Variants in LEKR1 observed in about 807,000 individuals in gnomAD.
LEKR1 encodes protein LEKR1.
In LEKR1, 59 loss-of-function variants were observed where a neutral mutation model predicts 72.4. The observed-to-expected ratio is 0.82, with a 90% CI of 0.66 to 1.01. The LOEUF is 1.01. LEKR1 is among the 50% of genes least tolerant of loss of function. LEKR1 has a pLI of 0.00. For synonymous variants in LEKR1, 257 were observed against 263.2 expected, an observed-to-expected ratio of 0.98 and a Z score of 0.23; for missense variants, 728 against 759.2, an observed-to-expected ratio of 0.96 and a Z score of 0.48.
chr3:156,930,109 A>G (rs939104748), intron 5 of LEKR1, among the ~76,000 whole-genome samples: 1 of 152,184 alleles, frequency 6.6e-6, no homozygotes, highest in Admixed American at 6.6e-5. Context: ...TGCATACCAA[A>G]TTATGCATGG....
chr3:156,862,228 C>A (rs1716847378), intron 3 of LEKR1, among the ~76,000 whole-genome samples: 1 of 151,870 alleles, frequency 6.6e-6, no homozygotes, highest in African/African-American at 2.4e-5. Context: ...CATTCTTTTT[C>A]TCCCAAAGCT....
chr3:156,887,108 G>C (rs1440597986), intron 3 of LEKR1, among the ~76,000 whole-genome samples: 1 of 152,130 alleles, frequency 6.6e-6, no homozygotes, highest in Non-Finnish European at 1.5e-5. Context: ...TTCCTTTAGG[G>C]ATTTTGTAAT....
chr3:157,003,292 T>C (rs2108016778), intron 9 of LEKR1, among the ~76,000 whole-genome samples: 1 of 152,316 alleles, frequency 6.6e-6, no homozygotes, highest in East Asian at 1.9e-4. Flanking sequence ...CAAGTTACTA[T>C]CATGATATTC....
intron 9 of LEKR1, among the ~76,000 whole-genome samples, chr3:157,008,886 G>A (rs1007164554): frequency 6.6e-6 from 1 of 152,010 alleles, no homozygotes; most frequent in Non-Finnish European, 1.5e-5. Flanking sequence ...CATCTATATT[G>A]TATGCTAAGG....
chr3:156,905,410 T>A (rs1398958278), intron 3 of LEKR1, among the ~76,000 whole-genome samples: 1 of 152,200 alleles, frequency 6.6e-6, no homozygotes, highest in Non-Finnish European at 1.5e-5. Flanking sequence ...GGTGTCATGT[T>A]AATTTTCTAA....
intron 3 of LEKR1, among the ~76,000 whole-genome samples, chr3:156,871,707 G>A (rs1343588649): frequency 2.0e-5 from 3 of 152,152 alleles, no homozygotes; most frequent in Non-Finnish European, 4.4e-5. Flanking sequence ...CTGATGGCCA[G>A]TCCTTCATTC....
chr3:157,030,743 T>G (rs898225086), intron 12 of LEKR1, among the ~76,000 whole-genome samples: 1 of 152,196 alleles, frequency 6.6e-6, no homozygotes, highest in Non-Finnish European at 1.5e-5. Context: ...GGGTATCCAC[T>G]GGGCTGCAGT....
chr3:156,902,847 A>G (rs1259535214), intron 3 of LEKR1, among the ~76,000 whole-genome samples: 6 of 152,044 alleles, frequency 3.9e-5, no homozygotes, highest in Admixed American at 1.3e-4. Context: ...TTTATAATAT[A>G]TATAGTTTTA....
intron 7 of LEKR1, among the ~76,000 whole-genome samples, chr3:156,984,925 A>C (rs1459733275): frequency 6.6e-6 from 1 of 151,908 alleles, no homozygotes; most frequent in Non-Finnish European, 1.5e-5. Flanking sequence ...TTCTTGGGAC[A>C]GTCTCTATTA....
intron 3 of LEKR1, among the ~76,000 whole-genome samples, chr3:156,901,680 ATTTTG>A (rs201656138): frequency 3.3e-5 from 5 of 152,068 alleles, no homozygotes; most frequent in East Asian, 1.9e-4. Flanking sequence ...TTAATGATCC[ATTTTG>A]TTTTGTTTTG....
At chr3:156,881,006 C>A (rs1445023980) in intron 3 of LEKR1, among the ~76,000 whole-genome samples, 3 of 152,096 alleles carry the variant, frequency 2.0e-5, no homozygotes, top group Admixed American at 1.3e-4. Flanking sequence ...ATCTCAAAAT[C>A]ATAAGAGCTA....
At chr3:156,996,854 C>T (rs997650964) in intron 9 of LEKR1, among the ~76,000 whole-genome samples, 9 of 152,112 alleles carry the variant, frequency 5.9e-5, no homozygotes, top group Non-Finnish European at 1.2e-4. Flanking sequence ...CATCTAAGGT[C>T]AGTGGTTCGC....
chr3:156,866,318 TG>T (rs1033232902), intron 3 of LEKR1, among the ~76,000 whole-genome samples: 2 of 152,006 alleles, frequency 1.3e-5, no homozygotes. Flanking sequence ...GAAAATCTGC[TG>T]GGGGGTTCTG....
rs1246314954 is a variant in LEKR1, at chr3:156,858,267, CAGAG to C, written c.263+5296_263+5299del. On this transcript the variant is annotated intron_variant, in intron 3 of 12. Transcript: ENST00000356539. Reference sequence around the variant, plus strand: ...AAGAGACAAGAAAGAGAGTGAAGGACAGAGAGAGAGAGAGCTTTTTTTCCTAGGA... The same window carrying C: ...AAGAGACAAGAAAGAGAGTGAAGGACAGAGAGAGAGCTTTTTTTCCTAGGA... Among the ~76,000 whole-genome samples, 5 of 151,076 alleles carry C rather than the reference CAGAG, an allele frequency of 3.3e-5. No homozygotes were observed. In the East Asian group the frequency reaches 7.7e-4, roughly 23 times the overall value.
chr3:157,042,237 T>A (rs75265063), intron 12 of LEKR1, among the ~76,000 whole-genome samples: 5,805 of 152,302 alleles, frequency 0.038, 334 homozygotes, highest in African/African-American at 0.12. Flanking sequence ...TCAGGGGTCC[T>A]CCTGGTTTGG....
chr3:156,936,163 A>G (rs1198328189), intron 5 of LEKR1, among the ~76,000 whole-genome samples: 1 of 152,160 alleles, frequency 6.6e-6, no homozygotes, highest in Non-Finnish European at 1.5e-5. Flanking sequence ...CTTGGCAGAA[A>G]TCAGGAAAAA....
At chr3:156,840,533 A>C (rs1483781081) in intron 2 of LEKR1, among the ~76,000 whole-genome samples, 1 of 152,224 alleles carries the variant, frequency 6.6e-6, no homozygotes, top group Non-Finnish European at 1.5e-5. Context: ...CAGTAAATCT[A>C]GTTAACTCTT....
At chr3:157,016,753 A>G (rs1733375449) in intron 10 of LEKR1, among the ~76,000 whole-genome samples, 1 of 152,180 alleles carries the variant, frequency 6.6e-6, no homozygotes, top group Non-Finnish European at 1.5e-5. Flanking sequence ...AGCAAAATAT[A>G]TGACAATAAT....
chr3:156,846,933 C>G (rs1336355687), intron 2 of LEKR1, among the ~76,000 whole-genome samples: 1 of 152,192 alleles, frequency 6.6e-6, no homozygotes, highest in Non-Finnish European at 1.5e-5. Context: ...CCACCTCAGC[C>G]TCCCAAGTAG....
Sources: allele counts gnomAD v4.1 joint callset (sites outside exome capture counted in the v4.1 genomes callset), GRCh38; gene constraint gnomAD v4.1.1; transcripts MANE v1.5; gene names NCBI Gene and HGNC (gene_info 2026-07-23, HGNC 2026-07-21).